PCDHGA4: variants seen among roughly 807,000 people sequenced by gnomAD.
PCDHGA4 encodes the protein protocadherin gamma-A4.
A neutral mutation model predicts 54.6 loss-of-function variants in PCDHGA4; 38 were observed. That is an observed-to-expected ratio of 0.70 (90% confidence interval 0.54 to 0.91). The LOEUF (loss-of-function observed/expected upper bound fraction) is 0.91, where lower values mean the gene tolerates loss of function less well. Among genes scored for constraint, PCDHGA4 ranks in the 40% least tolerant of loss-of-function variants. The pLI is 0.00. For synonymous variants in PCDHGA4, 511 were observed against 512.9 expected (o/e 1.00, Z 0.05); for missense variants, 1,298 against 1,220.9 (o/e 1.06, Z -0.94).
At chr5:141,415,508 A>G in intron 1 of PCDHGA4, 2 of 1,614,168 alleles carry the variant, frequency 1.2e-6, no homozygotes, top group Non-Finnish European at 1.7e-6. Flanking sequence ...CCCCAGCCCA[A>G]TTATGCGGAC....
Position 141,476,715 on chromosome 5 carries a change from G to C in PCDHGA4, c.2515-18092G>C. 6.2e-7 allele frequency: 1 copy of C among 1,614,168 alleles called. No individual in the cohort carries two copies. The highest frequency in any genetic ancestry group is 8.5e-7 in the Non-Finnish European group (1 of 1,180,030). On this transcript the variant is annotated intron_variant, in intron 1 of 3. Transcript: ENST00000571252. The surrounding 1 kb of genome is among the most constrained non-coding windows in gnomAD (Gnocchi z 7.6). ...AAGTACGCGGAGCTGGTGTTGGAGC[G>C]CGCCCTGGACCGAGAACGGGAGCCT...
intron 1 of PCDHGA4, among the ~76,000 whole-genome samples, chr5:141,446,764 G>A (rs2098514605): frequency 6.6e-6 from 1 of 152,214 alleles, no homozygotes; most frequent in Non-Finnish European, 1.5e-5. Context: ...ACCGCGCCCA[G>A]CCGGTTACCA....
rs759270061 is a variant in PCDHGA4, at chr5:141,372,011, G to A, written c.2514+14390G>A. 4.3e-6 allele frequency: 7 copies of A among 1,613,294 alleles called. No homozygotes were observed. In the South Asian group the frequency reaches 6.6e-5, roughly 15 times the overall value. On this transcript the variant is annotated intron_variant, in intron 1 of 3. Transcript: ENST00000571252. Reference sequence around the variant, plus strand: ...CTCTGCAGGCCCGCGACCAGGGCTCGCCTACGCTCAGCGCCAACGTGAGCC... The same window carrying A: ...CTCTGCAGGCCCGCGACCAGGGCTCACCTACGCTCAGCGCCAACGTGAGCC...
chr5:141,420,911 T>C (rs948220220), intron 1 of PCDHGA4: 6 of 313,968 alleles, frequency 1.9e-5, no homozygotes, highest in Admixed American at 1.8e-4. Flanking sequence ...CAAATACGTG[T>C]GATTCACAAA....
At position 141,431,110 on chromosome 5, in the gene PCDHGA4, T is replaced by G; in HGVS notation, c.2515-63697T>G. 1.2e-6 allele frequency: 2 copies of G among 1,614,168 alleles called. No individual in the cohort carries two copies. The highest frequency in any genetic ancestry group is 1.7e-6 in the Non-Finnish European group (2 of 1,180,012). On this transcript the variant is annotated intron_variant, in intron 1 of 3. Transcript: ENST00000571252. This position sits in a 1 kb window ranked among gnomAD's most constrained non-coding sequence, Gnocchi z 4.8. Reference sequence around the variant, plus strand: ...TGATGGAGGATAAAGTGAAAATATATGGAGTAGAAGTAGAAGTAAGGGACA... The same window carrying G: ...TGATGGAGGATAAAGTGAAAATATAGGGAGTAGAAGTAGAAGTAAGGGACA...
intron 1 of PCDHGA4, chr5:141,367,537 A>AAAGTAAAT (rs373624904): frequency 1.5e-4 from 22 of 147,524 alleles, no homozygotes; most frequent in African/African-American, 5.5e-4. Context: ...ACTCCGTCTC[A>AAAGTAAAT]AAATAAATAA....
rs138881803 is a variant in PCDHGA4 at position 141,361,343 on chromosome 5, A to G, written c.2514+3722A>G. On this transcript the variant is annotated intron_variant, in intron 1 of 3. Transcript: ENST00000571252. ...AAATCTTCCTCAAAGAACTATTACA[A>G]ACTAGTGACAGACGGCGCTCTGGAC... is the stretch of plus-strand genomic sequence containing the variant. 47 of 1,613,938 alleles carry G rather than the reference A, an allele frequency of 2.9e-5. No homozygotes were observed. In the African/African-American group the frequency reaches 6.0e-4, roughly 21 times the overall value.
chr5:141,370,443 C>T, intron 1 of PCDHGA4: 1 of 1,607,126 alleles, frequency 6.2e-7, no homozygotes, highest in South Asian at 1.1e-5. Flanking sequence ...GAGGCGAATG[C>T]TATTTCTCTT....
chr5:141,366,058 G>T, intron 1 of PCDHGA4: 1 of 1,614,242 alleles, frequency 6.2e-7, no homozygotes. Context: ...CGGGCGTGGA[G>T]CTGGCGCCTC....
intron 1 of PCDHGA4, chr5:141,371,961 G>T (rs532361069): frequency 3.1e-6 from 5 of 1,613,240 alleles, no homozygotes; most frequent in Admixed American, 1.7e-5. Flanking sequence ...CTTCGACCAC[G>T]AGCAGCTGCG....
chr5:141,448,204 C>G (rs757249025), intron 1 of PCDHGA4, among the ~76,000 whole-genome samples: 28 of 152,124 alleles, frequency 1.8e-4, no homozygotes, highest in South Asian at 4.1e-4. Flanking sequence ...CAAACATTTT[C>G]TGTGTGTATG....
chr5:141,357,065 A>C lies in PCDHGA4; in HGVS notation c.1958A>C (p.His653Pro). 2 of 1,613,964 alleles carry C rather than the reference A, an allele frequency of 1.2e-6. No homozygotes were observed. Among genetic ancestry groups the C allele is most frequent in the Non-Finnish European group, 8.5e-7 (1 of 1,179,958 alleles). Residue 653 changes from histidine (H) to proline (P), a missense_variant, in exon 1 of 4, where the codon CAC becomes CCC. Coordinates refer to ENST00000571252, the MANE Select transcript of PCDHGA4 (RefSeq NM_018917.4). ...CCGGGACTATTTGCAGTGGGGCTGC[A>C]CACAGGCGAGGTGCGCACCGCACGG... ...SEPGLFAVGL[H>P]TGEVRTARAL...
rs369940443 is a variant in PCDHGA4, at chr5:141,477,841, C to G, written c.2515-16966C>G. 6.2e-7 allele frequency: 1 copy of G among 1,613,308 alleles called. No individual in the cohort carries two copies. The highest frequency in any genetic ancestry group is 1.3e-5 in the African/African-American group (1 of 74,700). On this transcript the variant is annotated intron_variant, in intron 1 of 3. Coordinates refer to ENST00000571252, the MANE Select transcript of PCDHGA4 (RefSeq NM_018917.4). The surrounding 1 kb of genome is among the most constrained non-coding windows in gnomAD (Gnocchi z 4.9). ...TCCTATATCCTCGGCCAGGTGGGAG[C>G]TCGGTGGAGATGCTGCCTCGAGGTA...
Position 141,355,307 on chromosome 5 carries a change from T to A in PCDHGA4, c.200T>A (p.Phe67Tyr), listed in dbSNP as rs548636381. 6.2e-7 allele frequency: 1 copy of A among 1,613,842 alleles called. No individual in the cohort carries two copies. The highest frequency in any genetic ancestry group is 1.3e-5 in the African/African-American group (1 of 75,024). The change falls in exon 1 of 4, where the codon TTT becomes TAT. Residue 67 changes from phenylalanine to tyrosine, a missense_variant. By Grantham distance (22) the Phe-to-Tyr change is conservative. Coordinates refer to ENST00000571252, the MANE Select transcript of PCDHGA4 (RefSeq NM_018917.4). ...GCCGAACAGATTCTCTACTCGGTGTTTGAGGAGCAGGAAGAAGGCTCAGTG... is the reference window on the plus strand; with the variant it reads ...GCCGAACAGATTCTCTACTCGGTGTATGAGGAGCAGGAAGAAGGCTCAGTG... ...IRAEQILYSV[F>Y]EEQEEGSVVG...
rs1332743231 is a variant in PCDHGA4 at position 141,432,967 on chromosome 5, G to A, written c.2515-61840G>A. 4 of 1,614,192 alleles carry A rather than the reference G, an allele frequency of 2.5e-6. No homozygotes were observed. In the East Asian group the frequency reaches 6.7e-5, roughly 27 times the overall value. On this transcript the variant is annotated intron_variant, in intron 1 of 3. Coordinates refer to ENST00000571252, the MANE Select transcript of PCDHGA4 (RefSeq NM_018917.4). The surrounding 1 kb of genome is among the most constrained non-coding windows in gnomAD (Gnocchi z 6.0). The stretch of plus-strand genomic sequence containing the variant: ...CAGGAGGCGGCTTGACAGGAGCGCC[G>A]GCGTCGCACTTTGTGGGCGTGGACG...
Position 141,477,818 on chromosome 5 carries a change from C to T in PCDHGA4, c.2515-16989C>T, listed in dbSNP as rs202009040. 33 of 1,614,040 alleles carry T rather than the reference C, an allele frequency of 2.0e-5. No homozygotes were observed. The highest frequency in any genetic ancestry group is 1.3e-4 in the Admixed American group (8 of 60,006). On this transcript the variant is annotated intron_variant, in intron 1 of 3. Transcript: ENST00000571252. This position sits in a 1 kb window ranked among gnomAD's most constrained non-coding sequence, Gnocchi z 4.9. ...TCGCAATGACAATGCCCCCCAGGTCCTATATCCTCGGCCAGGTGGGAGCTC... is the reference window on the plus strand; with the variant it reads ...TCGCAATGACAATGCCCCCCAGGTCTTATATCCTCGGCCAGGTGGGAGCTC...
chr5:141,504,379 G>A lies in PCDHGA4; in HGVS notation c.2574-1014G>A, dbSNP rs181617363. On this transcript the variant is annotated intron_variant, in intron 2 of 3. Transcript: ENST00000571252. ...GCTTCAGTAGGAAGCAGGTGGAGTC[G>A]CTGCCTCACAGAAGCCAGTGTGGTG... Among the ~76,000 whole-genome samples the A allele has an allele frequency of 2.4e-3, 361 of 152,206 alleles. 1 individual carries two copies. The highest frequency in any genetic ancestry group is 0.021 in the Admixed American group (315 of 15,286).
chr5:141,394,173 C>T, intron 1 of PCDHGA4: 1 of 1,613,948 alleles, frequency 6.2e-7, no homozygotes, highest in Non-Finnish European at 8.5e-7. Flanking sequence ...TACTTTCCCT[C>T]ATGCCTCCTA....
rs758463890 is a variant in PCDHGA4 at position 141,394,966 on chromosome 5, G to A, written c.2514+37345G>A. On this transcript the variant is annotated intron_variant, in intron 1 of 3. Coordinates refer to ENST00000571252, the MANE Select transcript of PCDHGA4 (RefSeq NM_018917.4). ...GTGCTTCTGGGGCTCAGGCTGAGGCGCTGGCACAAGTCACGCCTGCTCCAG... is the reference window on the plus strand; with the variant it reads ...GTGCTTCTGGGGCTCAGGCTGAGGCACTGGCACAAGTCACGCCTGCTCCAG... 11 of 1,613,768 alleles carry A rather than the reference G, an allele frequency of 6.8e-6. No homozygotes were observed. In the African/African-American group the frequency reaches 9.3e-5, roughly 14 times the overall value.
Sources: allele counts gnomAD v4.1 joint callset (sites outside exome capture counted in the v4.1 genomes callset), GRCh38; gene constraint gnomAD v4.1.1; non-coding constraint Gnocchi (gnomAD v3.1); transcripts MANE v1.5; gene names NCBI Gene and HGNC (gene_info 2026-07-23, HGNC 2026-07-21).